TDRD12: variants seen among roughly 807,000 people sequenced by gnomAD.
TDRD12 encodes tudor domain containing 12, also known as putative ATP-dependent RNA helicase TDRD12.
A neutral mutation model predicts 133.5 loss-of-function variants in TDRD12; 158 were observed. That is an observed-to-expected ratio of 1.18 (90% confidence interval 1.04 to 1.35). The LOEUF (loss-of-function observed/expected upper bound fraction) is 1.35, where lower values mean the gene tolerates loss of function less well. Among genes scored for constraint, TDRD12 ranks in the 40% most tolerant of loss-of-function variants. The pLI is 0.00. For missense variants in TDRD12, 1,443 were observed against 1,321.3 expected (o/e 1.09, Z -1.43); for synonymous variants, 460 against 477.9 (o/e 0.96, Z 0.49).
intron 6 of TDRD12, 22 bp downstream of exon 6, chr19:32,749,891 T>G (rs1384724602): frequency 4.8e-6 from 7 of 1,449,098 alleles, no homozygotes; most frequent in Non-Finnish European, 2.8e-6. Context: ...AATTGTATTT[T>G]TATAATATTT....
At chr19:32,757,521 C>G (rs1000035260) in intron 8 of TDRD12, among the ~76,000 whole-genome samples, 1 of 152,160 alleles carries the variant, frequency 6.6e-6, no homozygotes, top group Admixed American at 6.6e-5. Flanking sequence ...TTCCAGTCTT[C>G]AAGATATTTA....
downstream of TDRD12, chr19:32,826,195 C>T: frequency 1.3e-6 from 2 of 1,525,798 alleles, no homozygotes; most frequent in Non-Finnish European, 1.8e-6. Flanking sequence ...GTCGGCGTCC[C>T]TTACCCAGTT....
intron 21 of TDRD12, among the ~76,000 whole-genome samples, chr19:32,803,585 T>C (rs1165254500): frequency 6.6e-6 from 1 of 152,194 alleles, no homozygotes; most frequent in Non-Finnish European, 1.5e-5. Context: ...GCCATGTCTT[T>C]TGTGGAAATG....
chr19:32,725,393 A>G (rs1157899910), intron 1 of TDRD12, among the ~76,000 whole-genome samples: 2 of 152,012 alleles, frequency 1.3e-5, no homozygotes, highest in African/African-American at 4.8e-5. Flanking sequence ...ATTTTTGTAT[A>G]AGGTGTAAGG....
At chr19:32,720,814 C>G (rs1253898547) in intron 1 of TDRD12, among the ~76,000 whole-genome samples, 1 of 122,188 alleles carries the variant, frequency 8.2e-6, no homozygotes, top group Non-Finnish European at 1.7e-5. Flanking sequence ...CGCCCTCCCC[C>G]ACCTGAACCC....
At chr19:32,756,465 G>T (rs1222594081) in intron 7 of TDRD12, among the ~76,000 whole-genome samples, 1 of 151,758 alleles carries the variant, frequency 6.6e-6, no homozygotes, top group Non-Finnish European at 1.5e-5. Flanking sequence ...TCGGCTCACT[G>T]CAAGCTCCTC....
chr19:32,785,073 T>C (rs916331152), intron 11 of TDRD12, among the ~76,000 whole-genome samples: 2 of 152,352 alleles, frequency 1.3e-5, no homozygotes, highest in Middle Eastern at 3.4e-3. Context: ...TTAATTGTGA[T>C]GTTAGGGTGT....
At position 32,827,237 on chromosome 19, in the gene TDRD12, C is replaced by G. The variant is rs1322172616; in HGVS notation, c.*71C>G. On this transcript the variant is annotated 3_prime_UTR_variant, in exon 10 of 10. Coordinates refer to the TDRD12 transcript ENST00000637289. ...ACAGTAGCAGCACTTCAGAGGATGA[C>G]GACAGTGAGAGTGAAAGAGAAGGTG... is the stretch of plus-strand genomic sequence containing the variant. The G allele has an allele frequency of 4.1e-6, 5 of 1,231,746 alleles. No individual in the cohort carries two copies. In the African/African-American group the frequency reaches 7.8e-5, roughly 19 times the overall value. The allele number at this position is 1,231,746 out of a possible 1,614,324, so 76.3% of individuals were successfully genotyped here.
In TDRD12 at chr19:32,791,080, C is replaced by G. The variant is rs947873595; in HGVS notation, c.1287+12C>G. 5.9e-6 allele frequency: 9 copies of G among 1,524,348 alleles called. No homozygotes were observed. Among genetic ancestry groups the G allele is most frequent in the Non-Finnish European group, 7.0e-6 (8 of 1,142,796 alleles). The allele number at this position is 1,524,348 out of a possible 1,614,324, so 94.4% of individuals were successfully genotyped here. On this transcript the variant is annotated intron_variant, in intron 13 of 27. Transcript: ENST00000444215. The stretch of plus-strand genomic sequence containing the variant: ...CAGACCTGAAGAAGGTAAAAGTGCT[C>G]GTAAAACTGAATTTATCAAGAATGC...
At chr19:32,802,814 CA>C in intron 20 of TDRD12, 25 bp downstream of exon 20, 3 of 1,536,178 alleles carry the variant, frequency 2.0e-6, no homozygotes, top group Non-Finnish European at 2.6e-6. Context: ...TATTCTCTTC[CA>C]TATTCCACTG....
Position 32,742,741 on chromosome 19 carries a change from A to G in TDRD12, c.321-40A>G, listed in dbSNP as rs1211037348. The G allele has an allele frequency of 3.9e-6, 6 of 1,536,662 alleles. No homozygotes were observed. The East Asian group carries it at 1.2e-4, about 31-fold the overall frequency. On this transcript the variant is annotated intron_variant, in intron 3 of 27. Coordinates refer to ENST00000444215, the Ensembl canonical transcript of TDRD12. ...ACTTTAACGGAGTATGTTATATATA[A>G]TTTTCTATATAATGGAGCTGTTTCT...
intron 11 of TDRD12, among the ~76,000 whole-genome samples, chr19:32,790,241 G>A (rs1479443598): frequency 6.6e-6 from 1 of 152,112 alleles, no homozygotes; most frequent in Admixed American, 6.6e-5. Context: ...GTCCTATCTG[G>A]TCTTGTTTTC....
exon 15 of TDRD12, chr19:32,797,849 C>T (rs1227020211): frequency 2.8e-6 from 2 of 701,956 alleles, no homozygotes; most frequent in Non-Finnish European, 5.2e-6. Context: ...AACAATTGGG[C>T]TCCATAAAGA....
At chr19:32,822,444 T>C (rs930288401), downstream of TDRD12, among the ~76,000 whole-genome samples, 1 of 148,836 alleles carries the variant, frequency 6.7e-6, no homozygotes, top group African/African-American at 2.5e-5. Context: ...AATAAATAAA[T>C]AAACAAATAA....
chr19:32,804,319 G>A (rs185827656), intron 21 of TDRD12, among the ~76,000 whole-genome samples: 7 of 151,106 alleles, frequency 4.6e-5, no homozygotes, highest in Admixed American at 1.3e-4. Flanking sequence ...TGATCTGCCC[G>A]CCTCGGCCTC....
chr19:32,781,684 CTT>C (rs1057448729), intron 11 of TDRD12, among the ~76,000 whole-genome samples: 4 of 146,610 alleles, frequency 2.7e-5, no homozygotes, highest in African/African-American at 1.0e-4. Flanking sequence ...GACTCCTTTC[CTT>C]TTCTCTCTCT....
chr19:32,744,011 A>G (rs949198359), intron 4 of TDRD12, among the ~76,000 whole-genome samples: 9 of 148,620 alleles, frequency 6.1e-5, no homozygotes, highest in Non-Finnish European at 9.0e-5. Flanking sequence ...CTGGGCAACA[A>G]GAGTGAAACT....
chr19:32,762,572 C>G (rs576937328), intron 8 of TDRD12, among the ~76,000 whole-genome samples: 4 of 152,264 alleles, frequency 2.6e-5, no homozygotes, highest in African/African-American at 9.6e-5. Context: ...AAAGTCATGG[C>G]AGGTTATTTC....
intron 26 of TDRD12, 65 bp from the exon 27 acceptor site, chr19:32,818,024 T>A: frequency 1.4e-6 from 1 of 701,548 alleles, no homozygotes; most frequent in Non-Finnish European, 2.6e-6. Context: ...TCCTCTACTG[T>A]CCCCAGACAG....
Sources: gnomAD v4.1 joint callset for allele counts (sites outside exome capture counted in the v4.1 genomes callset) on GRCh38, gnomAD v4.1.1 for gene constraint, MANE v1.5 for transcripts, NCBI Gene and HGNC (gene_info 2026-07-23, HGNC 2026-07-21) for gene names.